The following MGAT5 variants were observed in gnomAD, a reference collection of about 807,000 sequenced individuals.
MGAT5 encodes the protein alpha-1,6-mannosylglycoprotein 6-beta-N-acetylglucosaminyltransferase A.
A neutral mutation model predicts 94.3 loss-of-function variants in MGAT5; 30 were observed. The observed-to-expected ratio is 0.32, with a 90% CI of 0.24 to 0.43. The LOEUF (loss-of-function observed/expected upper bound fraction) is 0.43. Among genes scored for constraint, MGAT5 ranks in the 20% least tolerant of loss-of-function variants. MGAT5 has a pLI of 1.00. For synonymous variants in MGAT5, 310 were observed against 322.9 expected (o/e 0.96, Z 0.43); for missense variants, 691 against 905.5 (o/e 0.76, Z 3.04).
At chr2:134,266,973 C>A (rs996541026) in intron 1 of MGAT5, among the ~76,000 whole-genome samples, 9 of 152,172 alleles carry the variant, frequency 5.9e-5, no homozygotes, top group Admixed American at 3.3e-4. Flanking sequence ...TTAAAAAAAT[C>A]TTGGATCACT....
rs576872086 is a variant in MGAT5, at chr2:134,330,142, T to G, written c.574-6075T>G. On this transcript the variant is annotated intron_variant, in intron 4 of 15. Coordinates refer to ENST00000281923, the MANE Select transcript of MGAT5 (RefSeq NM_002410.5). Reference sequence around the variant, plus strand: ...TAGTCAACTGTATTGATTTGATATATGACCAACTAGCCTAACAGGATGACA... The same window carrying G: ...TAGTCAACTGTATTGATTTGATATAGGACCAACTAGCCTAACAGGATGACA... Among the ~76,000 whole-genome samples the G allele has an allele frequency of 5.9e-5, 9 of 152,300 alleles. No individual in the cohort carries two copies. In the South Asian group the frequency reaches 1.9e-3, roughly 32 times the overall value.
intron 10 of MGAT5, among the ~76,000 whole-genome samples, chr2:134,393,168 A>T (rs1682514020): frequency 6.6e-6 from 1 of 152,238 alleles, no homozygotes; most frequent in Non-Finnish European, 1.5e-5. Flanking sequence ...GAACTTGCCG[A>T]AGTCCCATAA....
intron 1 of MGAT5, among the ~76,000 whole-genome samples, chr2:134,131,906 C>T (rs1435395441): frequency 1.3e-5 from 2 of 152,158 alleles, no homozygotes; most frequent in African/African-American, 4.8e-5. Flanking sequence ...TTGTGCTTGC[C>T]GATTTCATCA....
chr2:134,235,309 A>T (rs1475578266), intron 1 of MGAT5, among the ~76,000 whole-genome samples: 1 of 152,170 alleles, frequency 6.6e-6, no homozygotes, highest in East Asian at 1.9e-4. Flanking sequence ...ACTGCACCTT[A>T]GAGTCTCTTG....
chr2:134,260,534 T>C (rs1683257953), intron 1 of MGAT5, among the ~76,000 whole-genome samples: 1 of 152,174 alleles, frequency 6.6e-6, no homozygotes, highest in Non-Finnish European at 1.5e-5. Flanking sequence ...AGTGTTTCCT[T>C]CCACCTCTCT....
chr2:134,178,533 G>A (rs1346688905), intron 1 of MGAT5, among the ~76,000 whole-genome samples: 1 of 152,192 alleles, frequency 6.6e-6, no homozygotes, highest in Admixed American at 6.5e-5. Flanking sequence ...CCACAGGCCA[G>A]CACTACTAGA....
chr2:134,433,301 C>G (rs1684990101), intron 14 of MGAT5, among the ~76,000 whole-genome samples: 1 of 152,156 alleles, frequency 6.6e-6, no homozygotes, highest in African/African-American at 2.4e-5. Flanking sequence ...AATTGATAGG[C>G]TTTTGGGTTA....
chr2:134,334,661 A>G, intron 4 of MGAT5, among the ~76,000 whole-genome samples: 1 of 152,062 alleles, frequency 6.6e-6, no homozygotes, highest in East Asian at 1.9e-4. Flanking sequence ...AATCTGGCCT[A>G]AGAATACAAG....
intron 1 of MGAT5, among the ~76,000 whole-genome samples, chr2:134,163,881 T>C (rs1359446920): frequency 6.6e-6 from 1 of 152,206 alleles, no homozygotes; most frequent in African/African-American, 2.4e-5. Flanking sequence ...GATCCACTTC[T>C]TTATAGACCA....
chr2:134,422,872 A>T lies in MGAT5; in HGVS notation c.1747A>T (p.Asn583Tyr). The T allele has an allele frequency of 6.2e-7, 1 of 1,613,950 alleles. No homozygotes were observed. Among genetic ancestry groups the T allele is most frequent in the Non-Finnish European group, 8.5e-7 (1 of 1,179,834 alleles). The change falls in exon 13 of 16, where the codon AAT becomes TAT. Residue 583 changes from asparagine (N) to tyrosine (Y), a missense_variant. Around this residue, in one of 4 missense-constraint regions of MGAT5, gnomAD observed 260 missense variants for 347.0 expected, o/e 0.75. Transcript: ENST00000281923. ...ACATGTGTGGACTGTTGACCTCAAC[A>T]ATCAGGAGGAAGTAGAGGATGCAGT... Reference protein sequence around the residue: ...RPHVWTVDLNNQEEVEDAVKA... With the variant: ...RPHVWTVDLNYQEEVEDAVKA...
At chr2:134,403,218 T>C (rs1683154825) in intron 11 of MGAT5, 81 bp downstream of exon 11, 1 of 1,415,752 alleles carries the variant, frequency 7.1e-7, no homozygotes, top group African/African-American at 1.5e-5. Flanking sequence ...ATGCTTGTTT[T>C]TCAATGCTGC....
chr2:134,235,729 T>G (rs1457559047), intron 1 of MGAT5, among the ~76,000 whole-genome samples: 7 of 143,106 alleles, frequency 4.9e-5, no homozygotes, highest in African/African-American at 5.2e-5. Context: ...ATAATAGGGG[T>G]TTTTTTTTTT....
intron 1 of MGAT5, among the ~76,000 whole-genome samples, chr2:134,172,536 A>G (rs532886804): frequency 1.7e-3 from 257 of 152,188 alleles, no homozygotes; most frequent in African/African-American, 4.7e-3. Flanking sequence ...GCAGGTGCCC[A>G]CCACCACGCC....
intron 1 of MGAT5, among the ~76,000 whole-genome samples, chr2:134,235,935 C>T (rs1436654269): frequency 2.0e-5 from 3 of 152,136 alleles, no homozygotes; most frequent in African/African-American, 4.8e-5. Context: ...TTCTGTCTTG[C>T]TCCCCCTCCC....
intron 2 of MGAT5, among the ~76,000 whole-genome samples, chr2:134,307,669 G>T (rs769128081): frequency 9.2e-5 from 14 of 151,950 alleles, no homozygotes; most frequent in Non-Finnish European, 1.5e-5. Context: ...AAATTGTCCC[G>T]CTCTGCTCTC....
rs1038944890 is a variant in MGAT5, at chr2:134,442,548, A to T, written c.2027+633A>T. The stretch of plus-strand genomic sequence containing the variant: ...TGCGGGGTCTCTTGGTAATGAGGCG[A>T]GTGTGGCACTGGGAATGCTGGCCCA... On this transcript the variant is annotated intron_variant, in intron 15 of 15. Transcript: ENST00000281923. 2.0e-5 allele frequency among the ~76,000 whole-genome samples: 3 copies of T among 152,244 alleles called. No homozygotes were observed. In the East Asian group the frequency reaches 5.8e-4, roughly 29 times the overall value.
In MGAT5 at chr2:134,162,031, A is replaced by T. The variant is rs537964088; in HGVS notation, c.-143+41740A>T. ...CATGGTGAAACCCTGGCTGTCCTTT[A>T]AAAAAAAAATTAGCTGGTCATGGTG... On this transcript the variant is annotated intron_variant, in intron 1 of 16. Coordinates refer to the MGAT5 transcript ENST00000409645. Among the ~76,000 whole-genome samples the T allele has an allele frequency of 2.3e-3, 341 of 147,962 alleles. 1 individual carries two copies. Among genetic ancestry groups the T allele is most frequent in the African/African-American group, 8.2e-3 (331 of 40,518 alleles).
At position 134,254,645 on chromosome 2, in the gene MGAT5, G is replaced by C. The variant is rs746553155; in HGVS notation, c.241+1G>C. The C allele has an allele frequency of 6.2e-7, 1 of 1,614,162 alleles. No individual in the cohort carries two copies. The highest frequency in any genetic ancestry group is 1.1e-5 in the South Asian group (1 of 91,078). On this transcript the variant is annotated splice_donor_variant, in intron 1 of 15. Coordinates refer to ENST00000281923, the MANE Select transcript of MGAT5 (RefSeq NM_002410.5). LOFTEE classifies it high-confidence loss of function. ...TACGCTGGAGTCATGACAGCTTATG[G>C]TAAGCACTGTTTCTGGGACCTCTCC...
At chr2:134,436,611 T>C (rs1685174057) in intron 14 of MGAT5, among the ~76,000 whole-genome samples, 1 of 152,170 alleles carries the variant, frequency 6.6e-6, no homozygotes, top group African/African-American at 2.4e-5. Flanking sequence ...GGTGCCATCC[T>C]GCCCTGCTGG....
Sources: gnomAD v4.1 joint callset for allele counts (sites outside exome capture counted in the v4.1 genomes callset) on GRCh38, gnomAD v4.1.1 for gene constraint, gnomAD v4.1.1 regional missense constraint, MANE v1.5 for transcripts, NCBI Gene and HGNC (gene_info 2026-07-23, HGNC 2026-07-21) for gene names.